Variants in ANGPT1 observed in about 807,000 individuals in gnomAD.
ANGPT1 encodes the protein angiopoietin-1.
A neutral mutation model predicts 62.2 loss-of-function variants in ANGPT1; 17 were observed. The ratio of observed to expected loss-of-function variants is 0.27; its 90% CI spans 0.19 to 0.41. The LOEUF (loss-of-function observed/expected upper bound fraction) is 0.41. ANGPT1 is among the 10% of genes least tolerant of loss of function. The pLI is 1.00. For synonymous variants in ANGPT1, 199 were observed against 198.9 expected (o/e 1.00, Z 0.00); for missense variants, 478 against 594.9 (o/e 0.80, Z 2.04).
At chr8:107,495,330 A>C (rs1423105905) in intron 1 of ANGPT1, among the ~76,000 whole-genome samples, 2 of 152,214 alleles carry the variant, frequency 1.3e-5, no homozygotes, top group Non-Finnish European at 2.9e-5. Context: ...AGAACATTTT[A>C]ATAGTTATTC....
intron 1 of ANGPT1, among the ~76,000 whole-genome samples, chr8:107,401,023 T>C (rs1000445349): frequency 1.3e-5 from 2 of 152,176 alleles, no homozygotes; most frequent in Non-Finnish European, 2.9e-5. Flanking sequence ...CTTTCTAACC[T>C]TTAATCCTGC....
At chr8:107,293,729 T>C (rs1814339831) in intron 6 of ANGPT1, among the ~76,000 whole-genome samples, 1 of 152,166 alleles carries the variant, frequency 6.6e-6, no homozygotes, top group Non-Finnish European at 1.5e-5. Flanking sequence ...ATTTCAGTAA[T>C]ACGTTTTTCT....
intron 1 of ANGPT1, among the ~76,000 whole-genome samples, chr8:107,359,295 C>T (rs1253233984): frequency 6.6e-6 from 1 of 152,142 alleles, no homozygotes; most frequent in East Asian, 1.9e-4. Context: ...GTTTCTCAGA[C>T]TCTCACAAAG....
chr8:107,486,394 C>T (rs561700186), intron 1 of ANGPT1, among the ~76,000 whole-genome samples: 2 of 152,104 alleles, frequency 1.3e-5, no homozygotes, highest in African/African-American at 4.8e-5. Flanking sequence ...TCATTTGCCA[C>T]GTGAGGCAAT....
chr8:107,252,111 T>C, intron 8 of ANGPT1, 96 bp from the exon 9 acceptor site: 1 of 1,304,288 alleles, frequency 7.7e-7, no homozygotes, highest in South Asian at 1.4e-5. Flanking sequence ...GATGGGAAAC[T>C]TGCTTGTTCT....
At chr8:107,457,803 C>T (rs1254822888) in intron 1 of ANGPT1, among the ~76,000 whole-genome samples, 1 of 150,172 alleles carries the variant, frequency 6.7e-6, no homozygotes, top group Non-Finnish European at 1.5e-5. Flanking sequence ...AAATTATTCA[C>T]ACTCACCCCA....
chr8:107,370,290 A>G (rs1422891567), intron 1 of ANGPT1, among the ~76,000 whole-genome samples: 1 of 87,634 alleles, frequency 1.1e-5, no homozygotes, highest in African/African-American at 3.4e-5. Context: ...AAGAAAGAAA[A>G]GGAAAGAAGA....
At chr8:107,323,130 A>C (rs1815195060) in intron 3 of ANGPT1, among the ~76,000 whole-genome samples, 1 of 152,148 alleles carries the variant, frequency 6.6e-6, no homozygotes, top group Non-Finnish European at 1.5e-5. Flanking sequence ...CTTCTCCCTG[A>C]GCTCTTTATA....
intron 1 of ANGPT1, among the ~76,000 whole-genome samples, chr8:107,352,639 G>A (rs1815957632): frequency 6.6e-6 from 1 of 152,040 alleles, no homozygotes; most frequent in African/African-American, 2.4e-5. Context: ...TTAAACCAGA[G>A]CATATCTTAA....
At chr8:107,386,360 A>G (rs1816731702) in intron 1 of ANGPT1, among the ~76,000 whole-genome samples, 2 of 152,124 alleles carry the variant, frequency 1.3e-5, no homozygotes, top group African/African-American at 2.4e-5. Flanking sequence ...TACCCATGTA[A>G]CAAACCTGCA....
intron 1 of ANGPT1, among the ~76,000 whole-genome samples, chr8:107,387,381 T>G (rs186622899): frequency 6.6e-6 from 1 of 152,208 alleles, no homozygotes; most frequent in African/African-American, 2.4e-5. Context: ...GTTAAAGCAT[T>G]ATTGACATAA....
chr8:107,354,558 T>C (rs1345058511), intron 1 of ANGPT1, among the ~76,000 whole-genome samples: 2 of 152,180 alleles, frequency 1.3e-5, no homozygotes, highest in Admixed American at 1.3e-4. Context: ...TAATTTATTA[T>C]AGAAAATTGA....
intron 2 of ANGPT1, among the ~76,000 whole-genome samples, chr8:107,345,402 G>A (rs1051809161): frequency 5.9e-5 from 9 of 151,978 alleles, no homozygotes; most frequent in South Asian, 2.1e-4. Flanking sequence ...GGAGATTAAC[G>A]TGCTAACAAT....
At chr8:107,322,877 A>G (rs1815189365) in intron 3 of ANGPT1, 1 of 177,736 alleles carries the variant, frequency 5.6e-6, no homozygotes, top group Admixed American at 6.4e-5. Flanking sequence ...CAGGAGCCAA[A>G]AGTGATCTAT....
At chr8:107,483,720 T>C (rs544711457) in intron 1 of ANGPT1, among the ~76,000 whole-genome samples, 2 of 152,306 alleles carry the variant, frequency 1.3e-5, no homozygotes, top group Admixed American at 1.3e-4. Context: ...TTATTTGTTT[T>C]TTAGCTGAAA....
chr8:107,412,434 C>A (rs886583709), intron 1 of ANGPT1, among the ~76,000 whole-genome samples: 1 of 151,514 alleles, frequency 6.6e-6, no homozygotes, highest in Non-Finnish European at 1.5e-5. Flanking sequence ...TCAGGGTAGG[C>A]AATCAACAGC....
Position 107,435,642 on chromosome 8 carries a change from G to C in ANGPT1, c.297+61620C>G, listed in dbSNP as rs1254768355. Among the ~76,000 whole-genome samples, 6 of 152,264 alleles carry C rather than the reference G, an allele frequency of 3.9e-5. No homozygotes were observed. In the East Asian group the frequency reaches 1.2e-3, roughly 29 times the overall value. ...AGCTGACATGCTAAGAAGGGAGGCA[G>C]GTAGTAAGGAAGTAAACAAATAAAA... On this transcript the variant is annotated intron_variant, in intron 1 of 8. Transcript: ENST00000517746.
intron 2 of ANGPT1, among the ~76,000 whole-genome samples, chr8:107,341,455 T>C (rs1291552931): frequency 6.6e-6 from 1 of 151,710 alleles, no homozygotes; most frequent in Non-Finnish European, 1.5e-5. Flanking sequence ...AAAACTCCTA[T>C]AAAAGTTTTA....
In ANGPT1 at chr8:107,427,126, C is replaced by T. The variant is rs146836675; in HGVS notation, c.297+70136G>A. 8.8e-3 allele frequency among the ~76,000 whole-genome samples: 1,347 copies of T among 152,316 alleles called. 27 individuals carry two copies. Among genetic ancestry groups the T allele is most frequent in the African/African-American group, 0.03 (1,246 of 41,564 alleles). ...TCCTGATTCTGATTTTAAAACATCACTTAGCCTGGGATATAGTGGGCTTGG... is the reference window on the plus strand; with the variant it reads ...TCCTGATTCTGATTTTAAAACATCATTTAGCCTGGGATATAGTGGGCTTGG... On this transcript the variant is annotated intron_variant, in intron 1 of 8. Transcript: ENST00000517746.
Sources: gnomAD v4.1 joint callset for allele counts (sites outside exome capture counted in the v4.1 genomes callset) on GRCh38, gnomAD v4.1.1 for gene constraint, MANE v1.5 for transcripts, NCBI Gene and HGNC (gene_info 2026-07-23, HGNC 2026-07-21) for gene names.